Variants in PDZD2 observed in about 807,000 individuals in gnomAD.
PDZD2 encodes the protein PDZ domain-containing protein 2.
In PDZD2, 90 loss-of-function variants were observed where a neutral mutation model predicts 220.7. The observed-to-expected ratio is 0.41, with a 90% CI of 0.34 to 0.49. PDZD2 has a LOEUF of 0.49. Ranked by LOEUF, PDZD2 falls within the 20% of genes least tolerant of loss-of-function variation. PDZD2 has a pLI of 0.28. For synonymous variants in PDZD2, 1,375 were observed against 1,450.5 expected, an observed-to-expected ratio of 0.95 and a Z score of 1.18; for missense variants, 3,174 against 3,608.5, an observed-to-expected ratio of 0.88 and a Z score of 3.08.
intron 1 of PDZD2, among the ~76,000 whole-genome samples, chr5:31,718,962 A>G (rs920187805): frequency 1.4e-4 from 21 of 152,128 alleles, no homozygotes; most frequent in African/African-American, 5.1e-4. Context: ...GGCCTCCCAA[A>G]GTACTGGGAT....
At position 32,083,257 on chromosome 5, in the gene PDZD2, A is replaced by T. The variant is rs1742134053; in HGVS notation, c.3683-3874A>T. Among the ~76,000 whole-genome samples, 1 of 150,922 alleles carries T rather than the reference A, an allele frequency of 6.6e-6. No homozygotes were observed. Among genetic ancestry groups the T allele is most frequent in the African/African-American group, 2.4e-5 (1 of 41,126 alleles). Reference sequence around the variant, plus strand: ...GTACCTAACAACCTTTTTAAACCTCATACATCCACACGAAATAATATTTGA... The same window carrying T: ...GTACCTAACAACCTTTTTAAACCTCTTACATCCACACGAAATAATATTTGA... On this transcript the variant is annotated intron_variant, in intron 19 of 24. Coordinates refer to ENST00000438447, the MANE Select transcript of PDZD2 (RefSeq NM_178140.4). This position sits in a 1 kb window ranked among gnomAD's most constrained non-coding sequence, Gnocchi z 4.1.
chr5:32,070,139 G>T (rs1211422452), intron 15 of PDZD2, among the ~76,000 whole-genome samples: 1 of 152,130 alleles, frequency 6.6e-6, no homozygotes, highest in Non-Finnish European at 1.5e-5. Context: ...AATTTCATAT[G>T]AATTTAAAAT....
chr5:31,983,697 C>A, intron 3 of PDZD2, 41 bp downstream of exon 3: 2 of 1,571,562 alleles, frequency 1.3e-6, no homozygotes, highest in Non-Finnish European at 1.7e-6. Context: ...TTTTATTTAT[C>A]GTGTGTGTTT....
At chr5:31,795,110 A>G (rs531079309) in intron 1 of PDZD2, among the ~76,000 whole-genome samples, 1 of 152,314 alleles carries the variant, frequency 6.6e-6, no homozygotes, top group South Asian at 2.1e-4. Context: ...CCCTGCCTGG[A>G]GAAAGATTAA....
intron 17 of PDZD2, among the ~76,000 whole-genome samples, chr5:32,073,061 G>C (rs547762603): frequency 6.6e-6 from 1 of 152,058 alleles, no homozygotes; most frequent in East Asian, 1.9e-4. Context: ...GAGATAATAT[G>C]AGATGATAAT....
intron 2 of PDZD2, among the ~76,000 whole-genome samples, chr5:31,884,088 C>T (rs1740199161): frequency 6.6e-6 from 1 of 152,184 alleles, no homozygotes; most frequent in Non-Finnish European, 1.5e-5. Context: ...TAGCAGGTGC[C>T]TGTAATCCCA....
intron 2 of PDZD2, among the ~76,000 whole-genome samples, chr5:31,807,120 G>C (rs1045002820): frequency 6.6e-6 from 1 of 152,036 alleles, no homozygotes; most frequent in Non-Finnish European, 1.5e-5. Context: ...ATTTTTAGTA[G>C]AGACGGGGTT....
At chr5:31,870,380 T>C (rs184865570) in intron 2 of PDZD2, among the ~76,000 whole-genome samples, 233 of 152,308 alleles carry the variant, frequency 1.5e-3, no homozygotes, top group African/African-American at 5.1e-3. Context: ...AATTATTTTG[T>C]TTTGAATGAA....
chr5:31,862,359 C>T (rs996574285), intron 2 of PDZD2, among the ~76,000 whole-genome samples: 1 of 151,944 alleles, frequency 6.6e-6, no homozygotes, highest in Non-Finnish European at 1.5e-5. Context: ...CCGTCTCGGC[C>T]TCCCAAAGTG....
chr5:32,086,962 T>C (rs777429142), intron 19 of PDZD2, among the ~76,000 whole-genome samples, 169 bp from the exon 20 acceptor site: 1 of 151,460 alleles, frequency 6.6e-6, no homozygotes, highest in Non-Finnish European at 1.5e-5. Context: ...GTGCTGGGAT[T>C]ACAAGCATGC....
chr5:32,039,504 T>C (rs2112235291), intron 7 of PDZD2, among the ~76,000 whole-genome samples: 1 of 152,316 alleles, frequency 6.6e-6, no homozygotes, highest in Admixed American at 6.5e-5. Flanking sequence ...GTGCTAAGAT[T>C]ACAGCCTCTG....
At chr5:32,016,968 G>A (rs897601356) in intron 6 of PDZD2, among the ~76,000 whole-genome samples, 1 of 152,210 alleles carries the variant, frequency 6.6e-6, no homozygotes, top group Non-Finnish European at 1.5e-5. Context: ...TTGCTCACTT[G>A]CGTCTCCCAG....
chr5:31,792,988 G>A (rs1198504568), intron 1 of PDZD2, among the ~76,000 whole-genome samples: 4 of 151,754 alleles, frequency 2.6e-5, no homozygotes, highest in South Asian at 2.1e-4. Flanking sequence ...ACAGGTGTGC[G>A]CCTCCACAAC....
chr5:32,010,690 G>A (rs145598705), intron 6 of PDZD2: 126 of 620,156 alleles, frequency 2.0e-4, no homozygotes, highest in African/African-American at 2.0e-3. Flanking sequence ...AAATGAAATG[G>A]TAAACAAGAT....
At chr5:31,803,148 A>C (rs1314596149) in intron 2 of PDZD2, among the ~76,000 whole-genome samples, 2 of 147,452 alleles carry the variant, frequency 1.4e-5, no homozygotes, top group Admixed American at 6.8e-5. Flanking sequence ...CCCAGGCTGG[A>C]GTGCAGAGCC....
At chr5:32,084,630 G>C (rs1291907149) in intron 19 of PDZD2, among the ~76,000 whole-genome samples, 1 of 152,080 alleles carries the variant, frequency 6.6e-6, no homozygotes, top group Non-Finnish European at 1.5e-5. Context: ...GGGAAGAGTT[G>C]GTTTGACTTA....
chr5:31,667,373 G>C (rs1022290582), intron 1 of PDZD2, among the ~76,000 whole-genome samples: 10 of 152,086 alleles, frequency 6.6e-5, no homozygotes, highest in African/African-American at 2.2e-4. Flanking sequence ...TAGGAGGTGG[G>C]AGGACAGACA....
chr5:31,933,158 A>G (rs564841328), intron 2 of PDZD2, among the ~76,000 whole-genome samples: 88 of 152,086 alleles, frequency 5.8e-4, no homozygotes, highest in African/African-American at 2.1e-3. Flanking sequence ...TGATCCACCC[A>G]CCTCGGTCTC....
rs141109438 is a variant in PDZD2 at position 32,069,574 on chromosome 5, C to T, written c.2457C>T (p.Ser819=). ...VIGRHPNPKV[S]EQEMDEVIAR... ...TGCTTTCTGCTGAAAATCAGGTTTC[C>T]GAGCAGGAAATGGATGAAGTCATAG... Residue 819 remains serine (S), a synonymous_variant, in exon 15 of 25, where the codon TCC becomes TCT. Coordinates refer to ENST00000438447, the MANE Select transcript of PDZD2 (RefSeq NM_178140.4). The T allele has an allele frequency of 2.5e-5, 40 of 1,578,710 alleles. No individual in the cohort carries two copies. Among genetic ancestry groups the T allele is most frequent in the Admixed American group, 5.0e-5 (3 of 59,922 alleles).
Sources: allele counts gnomAD v4.1 joint callset (sites outside exome capture counted in the v4.1 genomes callset), GRCh38; gene constraint gnomAD v4.1.1; non-coding constraint Gnocchi (gnomAD v3.1); transcripts MANE v1.5; gene names NCBI Gene and HGNC (gene_info 2026-07-23, HGNC 2026-07-21).